The following UROC1 variants were observed in gnomAD, a reference collection of about 807,000 sequenced individuals.
The protein encoded by UROC1 is urocanate hydratase 1.
UROC1 carries 79 observed loss-of-function variants against 89.5 expected under a neutral mutation model. That is an observed-to-expected ratio of 0.88 (90% CI 0.74 to 1.06). The LOEUF is 1.06. Among genes scored for constraint, UROC1 ranks in the 50% least tolerant of loss-of-function variants. The pLI is 0.00. For missense variants in UROC1, 885 were observed against 907.8 expected (o/e 0.97, Z 0.32); for synonymous variants, 361 against 354.8 (o/e 1.02, Z -0.20).
chr3:126,492,545 A>C, intron 15 of UROC1, 29 bp from the exon 16 acceptor site: 3 of 1,577,130 alleles, frequency 1.9e-6, no homozygotes, highest in Non-Finnish European at 2.6e-6. Flanking sequence ...CTGGCATCTC[A>C]GCCAACATAG....
At chr3:126,499,596 T>C (rs1486643733) in intron 12 of UROC1, among the ~76,000 whole-genome samples, 187 bp from the exon 13 acceptor site, 1 of 152,222 alleles carries the variant, frequency 6.6e-6, no homozygotes, top group Non-Finnish European at 1.5e-5. Context: ...AGGTGCAGGA[T>C]GCATGCGCTT....
At chr3:126,502,107 T>C (rs889896215) in intron 9 of UROC1, among the ~76,000 whole-genome samples, 1 of 152,224 alleles carries the variant, frequency 6.6e-6, no homozygotes, top group Non-Finnish European at 1.5e-5. Flanking sequence ...CATGCATTTG[T>C]ACATATATAT....
chr3:126,501,949 C>A, intron 9 of UROC1: 1 of 1,588,806 alleles, frequency 6.3e-7, no homozygotes, highest in Non-Finnish European at 8.5e-7. Context: ...CTGAAGGACC[C>A]TGTGGGAACC....
chr3:126,498,015 C>T (rs763360448), intron 14 of UROC1, 36 bp downstream of exon 14: 2 of 1,613,296 alleles, frequency 1.2e-6, no homozygotes, highest in African/African-American at 1.3e-5. Flanking sequence ...TTTGGGGGGG[C>T]CACCCACCCA....
chr3:126,499,187 C>A, intron 13 of UROC1, 150 bp downstream of exon 13: 1 of 846,176 alleles, frequency 1.2e-6, no homozygotes. Context: ...CAGAGCCTGG[C>A]CACTTTGGGG....
At chr3:126,506,507 G>A (rs1371868219) in intron 6 of UROC1, among the ~76,000 whole-genome samples, 2 of 152,190 alleles carry the variant, frequency 1.3e-5, no homozygotes, top group African/African-American at 4.8e-5. Context: ...GACAGATTGG[G>A]AGGCAAAAGG....
At chr3:126,501,393 T>G in intron 9 of UROC1, 113 bp from the exon 10 acceptor site, 2 of 1,325,434 alleles carry the variant, frequency 1.5e-6, no homozygotes, top group Non-Finnish European at 2.2e-6. Context: ...ACCAGAGGTG[T>G]TGTGTGCAAA....
At position 126,508,403 on chromosome 3, in the gene UROC1, C is replaced by T. The variant is rs778870657; in HGVS notation, c.411+13G>A. ...GGCCAGGGGTGGGGACGAGGCCACACGGTGTGCAGTACCTGAGCCCAGTTG... is the reference window on the plus strand; with the variant it reads ...GGCCAGGGGTGGGGACGAGGCCACATGGTGTGCAGTACCTGAGCCCAGTTG... On this transcript the variant is annotated intron_variant, in intron 4 of 19. Transcript: ENST00000290868. The T allele has an allele frequency of 1.5e-5, 25 of 1,612,980 alleles. No homozygotes were observed. Among genetic ancestry groups the T allele is most frequent in the East Asian group, 1.1e-4 (5 of 44,876 alleles).
At chr3:126,507,880 G>A (rs1936105285) in intron 5 of UROC1, 77 bp from the exon 6 acceptor site, 1 of 1,612,718 alleles carries the variant, frequency 6.2e-7, no homozygotes, top group African/African-American at 1.3e-5. Context: ...ATGATGCACA[G>A]CGTTGGGGCA....
chr3:126,490,696 G>T (rs1391861889), intron 16 of UROC1, among the ~76,000 whole-genome samples: 5 of 151,814 alleles, frequency 3.3e-5, no homozygotes, highest in African/African-American at 1.2e-4. Context: ...GAAAGAAAAT[G>T]AGTTCTAACT....
rs754346491 is a variant in UROC1, at chr3:126,500,754, C to G, written c.1086G>C (p.Thr362=). 2 of 1,613,990 alleles carry G rather than the reference C, an allele frequency of 1.2e-6. No individual in the cohort carries two copies. The highest frequency in any genetic ancestry group is 1.7e-6 in the Non-Finnish European group (2 of 1,180,044). ...GGYYPVQLSF[T]EAQSLMASNP... The stretch of plus-strand genomic sequence containing the variant: ...TGGAGGCCATGAGGCTCTGGGCCTC[C>G]GTGAAGCTGAGCTGCACAGGGTAGT... Residue 362 remains threonine, a synonymous_variant, in exon 11 of 20, where the codon ACG becomes ACC. Coordinates refer to ENST00000290868, the MANE Select transcript of UROC1 (RefSeq NM_144639.3).
intron 4 of UROC1, 129 bp from the exon 5 acceptor site, chr3:126,508,224 G>A: frequency 1.3e-6 from 2 of 1,551,172 alleles, no homozygotes; most frequent in East Asian, 2.3e-5. Context: ...AGTGGCCCTG[G>A]TGCCTCCCTC....
intron 16 of UROC1, among the ~76,000 whole-genome samples, chr3:126,490,247 C>T (rs1447964333): frequency 2.0e-5 from 3 of 152,192 alleles, no homozygotes; most frequent in African/African-American, 7.2e-5. Context: ...CAGGAATCTC[C>T]GGCTGCTCAG....
chr3:126,506,672 C>T (rs1376006765), intron 6 of UROC1, among the ~76,000 whole-genome samples: 3 of 152,184 alleles, frequency 2.0e-5, no homozygotes, highest in Non-Finnish European at 4.4e-5. Context: ...AATTGCCAAG[C>T]CCACATGCAT....
chr3:126,503,605 C>T (rs1431044912), intron 9 of UROC1, among the ~76,000 whole-genome samples: 3 of 152,242 alleles, frequency 2.0e-5, no homozygotes, highest in Admixed American at 1.3e-4. Flanking sequence ...GGCCGGGTGG[C>T]TCTGCGAGCC....
Position 126,499,386 on chromosome 3 carries a change from C to G in UROC1, c.1267G>C (p.Ala423Pro). 1 of 1,612,922 alleles carries G rather than the reference C, an allele frequency of 6.2e-7. No individual in the cohort carries two copies. Among genetic ancestry groups the G allele is most frequent in the South Asian group, 1.1e-5 (1 of 90,896 alleles). Residue 423 changes from alanine (A) to proline (P), a missense_variant, in exon 13 of 20, where the codon GCT becomes CCT. Ala to Pro is a conservative substitution (Grantham distance 27). Coordinates refer to ENST00000290868, the MANE Select transcript of UROC1 (RefSeq NM_144639.3). ...GGGTAGCGGAACTCTGTCCTGCCAGCACCTTTCTTCTCCACATCCGCTCCT... is the reference window on the plus strand; with the variant it reads ...GGGTAGCGGAACTCTGTCCTGCCAGGACCTTTCTTCTCCACATCCGCTCCT... ...RAGADVEKKG[A>P]GRTEFRYPSY...
At chr3:126,501,368 C>T (rs1935920125) in intron 9 of UROC1, 88 bp from the exon 10 acceptor site, 2 of 1,525,932 alleles carry the variant, frequency 1.3e-6, no homozygotes, top group African/African-American at 2.7e-5. Flanking sequence ...CACACAGGGG[C>T]AGACCCAGGA....
intron 9 of UROC1, among the ~76,000 whole-genome samples, chr3:126,502,328 G>A (rs1935945990): frequency 6.6e-6 from 1 of 151,112 alleles, no homozygotes; most frequent in Non-Finnish European, 1.5e-5. Flanking sequence ...ATGTGTGCAT[G>A]TGTGTTGTGT....
intron 15 of UROC1, among the ~76,000 whole-genome samples, chr3:126,495,467 C>T (rs1178773330): frequency 6.6e-6 from 1 of 152,202 alleles, no homozygotes; most frequent in Non-Finnish European, 1.5e-5. Flanking sequence ...CATGTTGTCA[C>T]GTGTGTCAGC....
Sources: allele counts gnomAD v4.1 joint callset (sites outside exome capture counted in the v4.1 genomes callset), GRCh38; gene constraint gnomAD v4.1.1; transcripts MANE v1.5; gene names NCBI Gene and HGNC (gene_info 2026-07-23, HGNC 2026-07-21).